Variants in LOC128462377 observed in about 807,000 individuals in gnomAD.
chr16:89,382,727 G>A, the LOC128462377 span, among the ~76,000 whole-genome samples: 1 of 152,024 alleles, frequency 6.6e-6, no homozygotes, highest in African/African-American at 2.4e-5. Context: ...TAATCCTCCT[G>A]CCTCGGCCTC....
the LOC128462377 span, among the ~76,000 whole-genome samples, chr16:89,341,231 C>G: frequency 6.6e-6 from 1 of 152,254 alleles, no homozygotes; most frequent in Non-Finnish European, 1.5e-5. Context: ...CTGCTGCCAT[C>G]ATGGCAAGCA....
the LOC128462377 span, among the ~76,000 whole-genome samples, chr16:89,331,931 G>C: frequency 2.6e-5 from 4 of 152,116 alleles, no homozygotes; most frequent in African/African-American, 4.8e-5. Context: ...GCTGGGAACC[G>C]TCATCACCAC....
the LOC128462377 span, among the ~76,000 whole-genome samples, chr16:89,402,192 G>T: frequency 2.0e-5 from 3 of 152,288 alleles, no homozygotes; most frequent in Non-Finnish European, 2.9e-5. Flanking sequence ...TTCACTGCAT[G>T]AAAGCACAGC....
the LOC128462377 span, among the ~76,000 whole-genome samples, chr16:89,367,465 C>T: frequency 3.3e-5 from 5 of 152,172 alleles, no homozygotes; most frequent in Non-Finnish European, 7.3e-5. Flanking sequence ...CTCAGGGGAG[C>T]GACGCTCTCA....
chr16:89,349,909 CACAT>C, the LOC128462377 span, among the ~76,000 whole-genome samples: 13,297 of 100,142 alleles, frequency 0.13, 669 homozygotes, highest in Middle Eastern at 0.24. Context: ...CACACACACA[CACAT>C]ATTCAAACAA....
At chr16:89,366,970 T>G in the LOC128462377 span, among the ~76,000 whole-genome samples, 1 of 152,236 alleles carries the variant, frequency 6.6e-6, no homozygotes, top group Non-Finnish European at 1.5e-5. Flanking sequence ...CAGGCTGGAT[T>G]AGGTCCGCTG....
chr16:89,320,681 G>A, the LOC128462377 span, among the ~76,000 whole-genome samples: 1 of 152,176 alleles, frequency 6.6e-6, no homozygotes, highest in Non-Finnish European at 1.5e-5. Context: ...CGGCGCCAAA[G>A]CTGTGGGCTC....
the LOC128462377 span, among the ~76,000 whole-genome samples, chr16:89,321,496 C>T: frequency 6.6e-6 from 1 of 151,128 alleles, no homozygotes; most frequent in South Asian, 2.1e-4. Context: ...GGAGCCGCAG[C>T]TGCGGGGCAG....
At chr16:89,356,899 G>A in the LOC128462377 span, among the ~76,000 whole-genome samples, 2 of 152,208 alleles carry the variant, frequency 1.3e-5, no homozygotes, top group Admixed American at 1.3e-4. Flanking sequence ...AGGCCCTGTG[G>A]CTGTAATCTC....
At chr16:89,386,471 G>A in the LOC128462377 span, among the ~76,000 whole-genome samples, 1 of 152,150 alleles carries the variant, frequency 6.6e-6, no homozygotes, top group South Asian at 2.1e-4. Context: ...TCTCACCAGG[G>A]ACAGTGGAGG....
At chr16:89,344,170 T>G in the LOC128462377 span, among the ~76,000 whole-genome samples, 1 of 152,228 alleles carries the variant, frequency 6.6e-6, no homozygotes, top group Non-Finnish European at 1.5e-5. Context: ...CGGGCAACCC[T>G]GGCTCAGGAC....
the LOC128462377 span, among the ~76,000 whole-genome samples, chr16:89,345,746 C>A: frequency 6.6e-6 from 1 of 152,154 alleles, no homozygotes. Flanking sequence ...AGAAAATACA[C>A]ACCAGGTGCA....
chr16:89,353,169 C>T, the LOC128462377 span, among the ~76,000 whole-genome samples: 1 of 152,022 alleles, frequency 6.6e-6, no homozygotes, highest in African/African-American at 2.4e-5. Flanking sequence ...TGGTGAAACC[C>T]CGTCTCTACT....
the LOC128462377 span, among the ~76,000 whole-genome samples, chr16:89,327,305 G>A: frequency 6.6e-6 from 1 of 152,190 alleles, no homozygotes; most frequent in Non-Finnish European, 1.5e-5. Flanking sequence ...GGAGTGTGGA[G>A]AAACATCCTC....
At chr16:89,321,447 G>C in the LOC128462377 span, among the ~76,000 whole-genome samples, 1 of 150,808 alleles carries the variant, frequency 6.6e-6, no homozygotes, top group Non-Finnish European at 1.5e-5. Flanking sequence ...GCAGGGTGTG[G>C]GGCGGGAGCT....
At chr16:89,416,896 G>A in the LOC128462377 span, among the ~76,000 whole-genome samples, 1 of 151,884 alleles carries the variant, frequency 6.6e-6, no homozygotes, top group African/African-American at 2.4e-5. Flanking sequence ...CTCCCTCATC[G>A]CTGCCCCCCT....
chr16:89,359,970 G>A, the LOC128462377 span, among the ~76,000 whole-genome samples: 49 of 151,250 alleles, frequency 3.2e-4, 1 homozygote, highest in African/African-American at 1.1e-3. Context: ...GGCAGTGGGC[G>A]GGGGGGGAGG....
the LOC128462377 span, among the ~76,000 whole-genome samples, chr16:89,338,717 ACTCAGT>A: frequency 8.9e-6 from 1 of 112,032 alleles, no homozygotes; most frequent in East Asian, 2.5e-4. Flanking sequence ...AAAGAGCAAC[ACTCAGT>A]CTCAAAAAAA....
chr16:89,397,047 C>T, the LOC128462377 span, among the ~76,000 whole-genome samples: 2 of 151,698 alleles, frequency 1.3e-5, no homozygotes, highest in Non-Finnish European at 2.9e-5. Flanking sequence ...AAAGAATGTG[C>T]TGCTTATATG....
Sources: gnomAD v4.1 joint callset for allele counts (sites outside exome capture counted in the v4.1 genomes callset) on GRCh38, gnomAD v4.1.1 for gene constraint, MANE v1.5 for transcripts.